The following PODNL1 variants were observed in gnomAD, a reference collection of about 807,000 sequenced individuals.
The protein encoded by PODNL1 is podocan like 1.
In PODNL1, 50 loss-of-function variants were observed where a neutral mutation model predicts 45.1. The observed-to-expected ratio is 1.11, with a 90% CI of 0.88 to 1.40. The LOEUF (loss-of-function observed/expected upper bound fraction) is 1.40. Ranked by LOEUF, PODNL1 falls within the 40% of genes most tolerant of loss-of-function variation. The pLI is 0.00. For synonymous variants in PODNL1, 406 were observed against 372.5 expected (o/e 1.09, Z -1.04); for missense variants, 788 against 793.3 (o/e 0.99, Z 0.08).
intron 1 of PODNL1, 67 bp from the exon 2 acceptor site, chr19:13,938,073 C>T: frequency 6.9e-7 from 1 of 1,453,406 alleles, no homozygotes; most frequent in Non-Finnish European, 9.3e-7. Flanking sequence ...ACTGGAGCAT[C>T]CCCTCCTCGG....
rs138365404 is a variant in PODNL1, at chr19:13,947,449, C to G, written c.18+5670G>C. On this transcript the variant is annotated intron_variant, in intron 1 of 7. Coordinates refer to the PODNL1 transcript ENST00000538371. ...TGAGCTGAGATCGCACCATTGCACT[C>G]CAGCCTGGGTGACAAGAGCAAAACT... 4.0e-3 allele frequency among the ~76,000 whole-genome samples: 602 copies of G among 151,264 alleles called. 10 individuals carry two copies. Among genetic ancestry groups the G allele is most frequent in the African/African-American group, 0.014 (581 of 41,204 alleles).
Position 13,936,422 on chromosome 19 carries a change from G to C in PODNL1, c.264C>G (p.Ser88=). ...TGAGGGTTCGCAGGCCACTGAGGCG[G>C]GACAGCTCATTGTAGGGGAGTTCCT... ...QLQELPYNEL[S]RLSGLRTLNL... The change falls in exon 3 of 10, where the codon TCC becomes TCG. Residue 88 remains serine (S), a synonymous_variant. Coordinates refer to ENST00000588872, the MANE Select transcript of PODNL1 (RefSeq NM_001370095.3). 1 of 1,613,508 alleles carries C rather than the reference G, an allele frequency of 6.2e-7. No homozygotes were observed. The highest frequency in any genetic ancestry group is 1.7e-5 in the Admixed American group (1 of 59,976).
At position 13,933,580 on chromosome 19, in the gene PODNL1, T is replaced by G; in HGVS notation, c.768-125A>C. On this transcript the variant is annotated intron_variant, in intron 7 of 9. Transcript: ENST00000588872. This position sits in a 1 kb window ranked among gnomAD's most constrained non-coding sequence, Gnocchi z 5.2. ...GCTGGAGATTTTGACTTGGGAGTGA[T>G]GCGTGGAGAGAGCTGGGTGGGAGGT... 9.0e-7 allele frequency: 1 copy of G among 1,105,066 alleles called. No individual in the cohort carries two copies. The highest frequency in any genetic ancestry group is 1.3e-6 in the Non-Finnish European group (1 of 793,738). 68.5% of individuals were successfully genotyped at this position (1,105,066 alleles called of 1,614,324 possible).
At chr19:13,951,849 G>T (rs1184317452) in intron 1 of PODNL1, among the ~76,000 whole-genome samples, 3 of 152,202 alleles carry the variant, frequency 2.0e-5, no homozygotes, top group African/African-American at 2.4e-5. Flanking sequence ...TTATTGCTAT[G>T]ATCTGCATAA....
upstream of PODNL1, among the ~76,000 whole-genome samples, chr19:13,942,127 G>T (rs914106932): frequency 2.0e-5 from 3 of 152,136 alleles, no homozygotes; most frequent in Admixed American, 2.0e-4. Flanking sequence ...TGAGTTCCGG[G>T]CAAGCCTCTT....
At chr19:13,948,157 G>A (rs1490342928) in intron 1 of PODNL1, among the ~76,000 whole-genome samples, 1 of 151,804 alleles carries the variant, frequency 6.6e-6, no homozygotes, top group African/African-American at 2.4e-5. Flanking sequence ...GATTACAGGC[G>A]TGAGCCACCA....
chr19:13,935,556 A>G (rs1421338570), intron 5 of PODNL1, among the ~76,000 whole-genome samples, 165 bp downstream of exon 5: 3 of 151,942 alleles, frequency 2.0e-5, no homozygotes, highest in Non-Finnish European at 2.9e-5. Flanking sequence ...CGAACTCCTG[A>G]CCCCAGATGA....
intron 5 of PODNL1, among the ~76,000 whole-genome samples, chr19:13,934,996 ATGAG>A (rs987640018): frequency 2.0e-5 from 3 of 150,588 alleles, no homozygotes; most frequent in South Asian, 2.1e-4. Flanking sequence ...GTGTGCATGC[ATGAG>A]TGTGTGCCTG....
chr19:13,941,788 G>A (rs1972663647), upstream of PODNL1, among the ~76,000 whole-genome samples: 1 of 152,164 alleles, frequency 6.6e-6, no homozygotes, highest in African/African-American at 2.4e-5. Context: ...ACTCCAGCCT[G>A]GGCGACAGTG....
chr19:13,934,696 A>C (rs548084274), intron 5 of PODNL1, among the ~76,000 whole-genome samples: 8 of 151,448 alleles, frequency 5.3e-5, no homozygotes. Context: ...GTGTGTGTGC[A>C]CGTGTGTATG....
At chr19:13,951,695 G>T (rs1391137204) in intron 1 of PODNL1, among the ~76,000 whole-genome samples, 1 of 152,158 alleles carries the variant, frequency 6.6e-6, no homozygotes, top group Non-Finnish European at 1.5e-5. Context: ...GATCATCTGA[G>T]CCCGGGGTCG....
In PODNL1 at chr19:13,933,835, A is replaced by T; in HGVS notation, c.767+43T>A. On this transcript the variant is annotated intron_variant, in intron 7 of 9. Transcript: ENST00000588872. This position sits in a 1 kb window ranked among gnomAD's most constrained non-coding sequence, Gnocchi z 5.2. ...GGGGGACTGAAGGTTGGGACCCCCG[A>T]CTGTAAATTCTCAGCCCCTGCTGCC... The T allele has an allele frequency of 6.6e-7, 1 of 1,518,808 alleles. No individual in the cohort carries two copies. The highest frequency in any genetic ancestry group is 9.0e-7 in the Non-Finnish European group (1 of 1,116,410). The allele number at this position is 1,518,808 out of a possible 1,614,324, so 94.1% of individuals were successfully genotyped here. A position where few individuals can be genotyped will look rare whatever the true frequency, so the allele number is the denominator to read the frequency against.
intron 1 of PODNL1, among the ~76,000 whole-genome samples, chr19:13,948,624 A>G (rs1460186341): frequency 6.7e-6 from 1 of 149,308 alleles, no homozygotes; most frequent in East Asian, 2.0e-4. Context: ...CATTCTGCAC[A>G]TAGCAGTCAT....
chr19:13,934,361 C>T lies in PODNL1; in HGVS notation c.544G>A (p.Asp182Asn), dbSNP rs754417118. 8 of 1,553,294 alleles carry T rather than the reference C, an allele frequency of 5.2e-6. No individual in the cohort carries two copies. Among genetic ancestry groups the T allele is most frequent in the Non-Finnish European group, 6.9e-6 (8 of 1,152,038 alleles). Residue 182 changes from aspartate (D) to asparagine (N), a missense_variant, in exon 6 of 10, where the codon GAC becomes AAC. Asp to Asn is a conservative substitution (Grantham distance 23). Around this residue, in one of 3 missense-constraint regions of PODNL1, gnomAD observed 762 missense variants for 750.9 expected, o/e 1.01. Transcript: ENST00000588872. ...NQLSNAGLPP[D>N]AFRGSEAIAT... ...ATGGCCTCGGAGCCGCGGAAGGCGTCGGGGGGCAGGCCAGCGTTGCTCAGC... is the reference window on the plus strand; with the variant it reads ...ATGGCCTCGGAGCCGCGGAAGGCGTTGGGGGGCAGGCCAGCGTTGCTCAGC...
chr19:13,939,908 G>A (rs1464644457), upstream of PODNL1: 1 of 150,676 alleles, frequency 6.6e-6, no homozygotes, highest in African/African-American at 2.5e-5. Context: ...TGGTATGGTG[G>A]TGCACACCCA....
At chr19:13,948,785 A>C (rs4926321) in intron 1 of PODNL1, among the ~76,000 whole-genome samples, 1 of 118,394 alleles carries the variant, frequency 8.4e-6, no homozygotes, top group Non-Finnish European at 1.8e-5. Context: ...AAAAAAAAAA[A>C]AAAAAAAAAA....
upstream of PODNL1, among the ~76,000 whole-genome samples, chr19:13,943,421 C>T (rs562004484): frequency 6.6e-6 from 1 of 152,268 alleles, no homozygotes; most frequent in Non-Finnish European, 1.5e-5. Context: ...GCCTCAGTTT[C>T]CACGTGGCCT....
In PODNL1 at chr19:13,931,986, G is replaced by C; in HGVS notation, c.1552C>G (p.Arg518Gly). 8.1e-7 allele frequency: 1 copy of C among 1,232,280 alleles called. No homozygotes were observed. Among genetic ancestry groups the C allele is most frequent in the Non-Finnish European group, 1.0e-6 (1 of 988,098 alleles). 76.3% of individuals were successfully genotyped at this position (1,232,280 alleles called of 1,614,324 possible). The change falls in exon 9 of 10, where the codon CGC becomes GGC. Residue 518 changes from arginine to glycine, a missense_variant. By Grantham distance (125) the Arg-to-Gly change is moderately radical. Coordinates refer to ENST00000588872, the MANE Select transcript of PODNL1 (RefSeq NM_001370095.3). ...CACCTGAGGAAGAGGGCACGCAGGC[G>C]GGGTGTGCTGAGGAAGGCCTCGGGG... ...VGPEAFLSTP[R>G]LRALFLRANR...
At chr19:13,935,958 G>A in intron 4 of PODNL1, 22 bp downstream of exon 4, 3 of 1,551,142 alleles carry the variant, frequency 1.9e-6, no homozygotes, top group Non-Finnish European at 2.6e-6. Flanking sequence ...GGCTCGGCCT[G>A]CGGGTGGGGC....
Sources: gnomAD v4.1 joint callset for allele counts (sites outside exome capture counted in the v4.1 genomes callset) on GRCh38, gnomAD v4.1.1 for gene constraint, gnomAD v4.1.1 regional missense constraint, Gnocchi (gnomAD v3.1) non-coding constraint, MANE v1.5 for transcripts, NCBI Gene and HGNC (gene_info 2026-07-23, HGNC 2026-07-21) for gene names.